The following CDH13 variants were observed in gnomAD, a reference collection of about 807,000 sequenced individuals.
CDH13 encodes cadherin-13.
A neutral mutation model predicts 63.8 loss-of-function variants in CDH13; 24 were observed. The ratio of observed to expected loss-of-function variants is 0.38; its 90% CI spans 0.27 to 0.53. CDH13 has a LOEUF of 0.53. Ranked by LOEUF, CDH13 falls within the 20% of genes least tolerant of loss-of-function variation. CDH13 has a pLI of 0.85. For missense variants in CDH13, 1,049 were observed against 903.1 expected (o/e 1.16, Z -2.07); for synonymous variants, 503 against 355.3 (o/e 1.42, Z -4.67).
intron 2 of CDH13, among the ~76,000 whole-genome samples, chr16:82,921,729 G>C (rs746025921): frequency 1.3e-5 from 2 of 152,028 alleles, no homozygotes; most frequent in Non-Finnish European, 2.9e-5. Flanking sequence ...AAATGGCTTT[G>C]GTAGTAATGT....
At chr16:83,197,038 G>C (rs1015518461) in intron 4 of CDH13, among the ~76,000 whole-genome samples, 7 of 152,162 alleles carry the variant, frequency 4.6e-5, no homozygotes, top group Admixed American at 1.3e-4. Context: ...AAACAACCCA[G>C]ATGTCCTTCA....
intron 1 of CDH13, among the ~76,000 whole-genome samples, chr16:82,807,415 T>A (rs2037200859): frequency 2.0e-5 from 3 of 152,152 alleles, no homozygotes; most frequent in African/African-American, 7.2e-5. Context: ...AGAGGTCTGG[T>A]AGCTGAGAAT....
intron 10 of CDH13, among the ~76,000 whole-genome samples, chr16:83,738,735 A>G (rs899915175): frequency 4.6e-5 from 7 of 152,150 alleles, no homozygotes; most frequent in African/African-American, 1.7e-4. Flanking sequence ...GTGAAACCCC[A>G]TCACTACTAA....
intron 2 of CDH13, among the ~76,000 whole-genome samples, chr16:82,911,739 T>C (rs1597197007): frequency 6.6e-6 from 1 of 152,124 alleles, no homozygotes; most frequent in Non-Finnish European, 1.5e-5. Flanking sequence ...CCTTACTCAA[T>C]GGCCATCCAT....
At chr16:83,521,926 T>G (rs1247196262) in intron 7 of CDH13, among the ~76,000 whole-genome samples, 1 of 152,060 alleles carries the variant, frequency 6.6e-6, no homozygotes, top group Non-Finnish European at 1.5e-5. Context: ...AATGAAAGAG[T>G]GTAGAGTCTG....
At chr16:83,511,225 G>C (rs1228826974) in intron 7 of CDH13, among the ~76,000 whole-genome samples, 1 of 152,226 alleles carries the variant, frequency 6.6e-6, no homozygotes, top group Non-Finnish European at 1.5e-5. Flanking sequence ...ACTTTGGGAG[G>C]CCTACAAGGG....
chr16:83,542,683 C>A (rs2075315748), intron 7 of CDH13, among the ~76,000 whole-genome samples: 1 of 152,160 alleles, frequency 6.6e-6, no homozygotes, highest in African/African-American at 2.4e-5. Context: ...TGCCAGCAAC[C>A]CTTGGAGCTC....
chr16:83,486,595 C>T lies in CDH13; in HGVS notation c.900C>T (p.Tyr300=). 1.9e-6 allele frequency: 3 copies of T among 1,613,946 alleles called. No homozygotes were observed. The highest frequency in any genetic ancestry group is 1.7e-6 in the Non-Finnish European group (2 of 1,179,834). The change falls in exon 7 of 14, where the codon TAC becomes TAT. Residue 300 remains tyrosine, a synonymous_variant. Coordinates refer to ENST00000567109, the MANE Select transcript of CDH13 (RefSeq NM_001257.5). The part of the protein sequence containing the change: ...TPDKPSPNMF[Y]IDPEKGDIVT... The stretch of plus-strand genomic sequence containing the variant: ...ACAAGCCATCTCCCAACATGTTCTA[C>T]ATCGATCCTGAGAAAGGAGACATTG...
chr16:82,666,498 A>G (rs1012152281), intron 1 of CDH13, among the ~76,000 whole-genome samples: 3 of 152,130 alleles, frequency 2.0e-5, no homozygotes, highest in African/African-American at 7.2e-5. Context: ...CTAACCTCTC[A>G]CTTTGTGTGG....
At chr16:82,719,738 CG>C (rs2032637277) in intron 1 of CDH13, among the ~76,000 whole-genome samples, 2 of 149,284 alleles carry the variant, frequency 1.3e-5, no homozygotes, top group South Asian at 4.3e-4. Flanking sequence ...CCCGGCTACT[CG>C]GGAGGCTGAA....
At chr16:82,999,497 C>T (rs79516918) in intron 2 of CDH13, among the ~76,000 whole-genome samples, 4,143 of 151,960 alleles carry the variant, frequency 0.027, 188 homozygotes, top group African/African-American at 0.095. Context: ...CTTGATGATA[C>T]CAAGATACGT....
At chr16:82,702,102 C>A (rs1337511381) in intron 1 of CDH13, among the ~76,000 whole-genome samples, 3 of 152,196 alleles carry the variant, frequency 2.0e-5, no homozygotes, top group Admixed American at 6.5e-5. Flanking sequence ...GAACCAGAGT[C>A]CCCTGCTCTA....
chr16:83,048,228 C>A (rs904377715), intron 3 of CDH13, among the ~76,000 whole-genome samples: 4 of 152,078 alleles, frequency 2.6e-5, no homozygotes, highest in African/African-American at 9.7e-5. Flanking sequence ...CTCAGGTATT[C>A]CCATTGTACA....
intron 1 of CDH13, among the ~76,000 whole-genome samples, chr16:82,789,521 C>A (rs2036184299): frequency 6.6e-6 from 1 of 152,122 alleles, no homozygotes; most frequent in Non-Finnish European, 1.5e-5. Flanking sequence ...AATTGTTTTC[C>A]AGTTTTATAA....
At chr16:83,478,905 C>A (rs904593270) in intron 6 of CDH13, among the ~76,000 whole-genome samples, 1 of 151,974 alleles carries the variant, frequency 6.6e-6, no homozygotes, top group Non-Finnish European at 1.5e-5. Context: ...TGGACATCCC[C>A]TCAAATGAAA....
At chr16:83,225,986 C>T (rs2039826331) in intron 5 of CDH13, among the ~76,000 whole-genome samples, 1 of 152,200 alleles carries the variant, frequency 6.6e-6, no homozygotes, top group African/African-American at 2.4e-5. Context: ...TCTGAGCAAA[C>T]ATCTGAGGCT....
chr16:82,878,138 G>T (rs532908091), intron 2 of CDH13, among the ~76,000 whole-genome samples: 2 of 152,014 alleles, frequency 1.3e-5, no homozygotes, highest in East Asian at 1.9e-4. Flanking sequence ...CCAAGGAAAC[G>T]TCAAACCCCT....
chr16:83,214,159 G>A (rs1286601298), intron 4 of CDH13, among the ~76,000 whole-genome samples: 1 of 152,122 alleles, frequency 6.6e-6, no homozygotes, highest in African/African-American at 2.4e-5. Flanking sequence ...GCTGCTGGCA[G>A]AGAGGGGTGA....
At chr16:83,285,847 T>C (rs78858779) in intron 5 of CDH13, among the ~76,000 whole-genome samples, 2,095 of 152,194 alleles carry the variant, frequency 0.014, 48 homozygotes, top group African/African-American at 0.044. Flanking sequence ...CATAACGAAT[T>C]ATAGAGGAAA....
Sources: gnomAD v4.1 joint callset for allele counts (sites outside exome capture counted in the v4.1 genomes callset) on GRCh38, gnomAD v4.1.1 for gene constraint, MANE v1.5 for transcripts, NCBI Gene and HGNC (gene_info 2026-07-23, HGNC 2026-07-21) for gene names.